The following KIF14 variants were observed in gnomAD, a reference collection of about 807,000 sequenced individuals.
The protein encoded by KIF14 is kinesin family member 14, also known as kinesin-like protein KIF14.
A neutral mutation model predicts 176.2 loss-of-function variants in KIF14; 98 were observed. The observed-to-expected ratio is 0.56, with a 90% CI of 0.47 to 0.66. The LOEUF (loss-of-function observed/expected upper bound fraction) is 0.66. Among genes scored for constraint, KIF14 ranks in the 30% least tolerant of loss-of-function variants. The probability of loss-of-function intolerance (pLI) is 0.00; values close to 1 mark genes in which losing one functional copy is unlikely to be tolerated. For synonymous variants in KIF14, 566 were observed against 632.2 expected (o/e 0.90, Z 1.57); for missense variants, 1,751 against 1,920.4 (o/e 0.91, Z 1.65).
intron 19 of KIF14, among the ~76,000 whole-genome samples, chr1:200,585,522 C>T (rs1658689609): frequency 1.3e-5 from 2 of 152,276 alleles, no homozygotes; most frequent in South Asian, 4.1e-4. Context: ...ACATGCTGCA[C>T]ATTGAAATTT....
At position 200,559,265 on chromosome 1, in the gene KIF14, T is replaced by G. The variant is rs1656996417; in HGVS notation, c.4353+65A>C. 2 of 1,020,220 alleles carry G rather than the reference T, an allele frequency of 2.0e-6. 1 individual carries two copies. Among genetic ancestry groups the G allele is most frequent in the South Asian group, 6.6e-5 (2 of 30,360 alleles). The allele number at this position is 1,020,220 out of a possible 1,614,324, so 63.2% of individuals were successfully genotyped here. A position where few individuals can be genotyped will look rare whatever the true frequency, so the allele number is the denominator to read the frequency against. ...ATGAATTTATAGAAATCTAATTTGT[T>G]GACTGAAAAAATCAACTTTATATAT... On this transcript the variant is annotated intron_variant, in intron 27 of 29. Transcript: ENST00000367350.
At chr1:200,581,346 T>C (rs1658442269) in intron 19 of KIF14, 52 bp from the exon 20 acceptor site, 1 of 981,460 alleles carries the variant, frequency 1.0e-6, no homozygotes, top group East Asian at 2.7e-5. Context: ...GACACTAACA[T>C]ATACCATTAG....
At position 200,565,147 on chromosome 1, in the gene KIF14, A is replaced by G; in HGVS notation, c.3993T>C (p.Cys1331=). 6.2e-7 allele frequency: 1 copy of G among 1,613,990 alleles called. No homozygotes were observed. Among genetic ancestry groups the G allele is most frequent in the South Asian group, 1.1e-5 (1 of 91,062 alleles). Residue 1331 remains cysteine, a synonymous_variant, in exon 25 of 30, where the codon TGT becomes TGC. Coordinates refer to ENST00000367350, the MANE Select transcript of KIF14 (RefSeq NM_014875.3). Reference sequence around the variant, plus strand: ...CATCCTCAAGTCTTGCTATGTTGGTACAAGGCAGTAAATCACTCAGCCAGT... The same window carrying G: ...CATCCTCAAGTCTTGCTATGTTGGTGCAAGGCAGTAAATCACTCAGCCAGT... ...MKHWLSDLLP[C]TNIARLEDEL...
rs1042669169 is a variant in KIF14, at chr1:200,565,744, T to A, written c.3662-75A>T. ...TTTCTTTTTTAAAAAAAGGGATCCT[T>A]ACTTTATGTACTTCTGCATTACTGA... On this transcript the variant is annotated intron_variant, in intron 23 of 29. Coordinates refer to ENST00000367350, the MANE Select transcript of KIF14 (RefSeq NM_014875.3). 5 of 877,190 alleles carry A rather than the reference T, an allele frequency of 5.7e-6. No homozygotes were observed. In the Admixed American group the frequency reaches 9.2e-5, roughly 16 times the overall value. 54.3% of individuals were successfully genotyped at this position (877,190 alleles called of 1,614,324 possible).
In KIF14 at chr1:200,618,642, T is replaced by C. The variant is rs1660537182; in HGVS notation, c.82A>G (p.Asn28Asp). ...AGTCGGCTACTGTGGGTGAGGGCAT[T>C]CAGTGATGAACTATTTTGGGAAGAA... The part of the protein sequence containing the change: ...IPSSQNSSSL[N>D]ALTHSSRLKL... The change falls in exon 2 of 30, where the codon AAT (asparagine) becomes GAT (aspartate). Residue 28 changes from asparagine (N) to aspartate (D), a missense_variant. By Grantham distance (23) the Asn-to-Asp change is conservative. Transcript: ENST00000367350. 2 of 1,613,864 alleles carry C rather than the reference T, an allele frequency of 1.2e-6. No homozygotes were observed. Among genetic ancestry groups the C allele is most frequent in the Non-Finnish European group, 1.7e-6 (2 of 1,179,968 alleles).
At chr1:200,617,085 A>C (rs1389260787) in intron 2 of KIF14, among the ~76,000 whole-genome samples, 2 of 152,128 alleles carry the variant, frequency 1.3e-5, no homozygotes, top group Non-Finnish European at 2.9e-5. Flanking sequence ...CTCCTGCCTC[A>C]GCCTCCCGAG....
Position 200,559,784 on chromosome 1 carries a change from C to T in KIF14, c.4231-332G>A, listed in dbSNP as rs1357408996. 1.5e-4 allele frequency among the ~76,000 whole-genome samples: 21 copies of T among 142,222 alleles called. 1 individual carries two copies. The highest frequency in any genetic ancestry group is 1.3e-3 in the South Asian group (6 of 4,616). 93.3% of individuals were successfully genotyped at this position (142,222 alleles called of 152,430 possible). A position where few individuals can be genotyped will look rare whatever the true frequency, so the allele number is the denominator to read the frequency against. On this transcript the variant is annotated intron_variant, in intron 26 of 29. Coordinates refer to ENST00000367350, the MANE Select transcript of KIF14 (RefSeq NM_014875.3). ...TTTTTTTTTTTTTGAAATGGAGTTTCGCTCATGTTGCCCAGGCTGGAGTGA... is the reference window on the plus strand; with the variant it reads ...TTTTTTTTTTTTTGAAATGGAGTTTTGCTCATGTTGCCCAGGCTGGAGTGA...
intron 14 of KIF14, among the ~76,000 whole-genome samples, chr1:200,595,775 C>G (rs943915005): frequency 6.6e-6 from 1 of 150,716 alleles, no homozygotes; most frequent in Non-Finnish European, 1.5e-5. Flanking sequence ...ATGATGAAAT[C>G]GTCTCTACTA....
chr1:200,578,196 C>T (rs968047528), intron 21 of KIF14, among the ~76,000 whole-genome samples: 3 of 152,012 alleles, frequency 2.0e-5, no homozygotes, highest in African/African-American at 7.2e-5. Flanking sequence ...AGAACAAGAG[C>T]TTATATTTAT....
At position 200,598,259 on chromosome 1, in the gene KIF14, C is replaced by T. The variant is rs140705314; in HGVS notation, c.2527G>A (p.Val843Met). 152 of 1,612,408 alleles carry T rather than the reference C, an allele frequency of 9.4e-5. No individual in the cohort carries two copies. The highest frequency in any genetic ancestry group is 1.2e-4 in the Non-Finnish European group (143 of 1,179,538). Reference protein sequence around the residue: ...NSSHDIQLSGVLIADDHCTIK... With the variant: ...NSSHDIQLSGMLIADDHCTIK... The stretch of plus-strand genomic sequence containing the variant: ...TACCAATGATCATCAGCAATCAGCA[C>T]CCCAGATAACTGAATATCATGGCTT... Residue 843 changes from valine to methionine, a missense_variant, in exon 14 of 30, where the codon GTG becomes ATG. By Grantham distance (21) the Val-to-Met change is conservative. Transcript: ENST00000367350.
At chr1:200,595,997 G>T (rs113462501) in intron 14 of KIF14, among the ~76,000 whole-genome samples, 2 of 150,410 alleles carry the variant, frequency 1.3e-5, no homozygotes, top group African/African-American at 4.9e-5. Context: ...GCTCACACCT[G>T]TAATCCCAGC....
Position 200,560,833 on chromosome 1 carries a change from A to G in KIF14, c.4119T>C (p.Asn1373=), listed in dbSNP as rs765352677. The change falls in exon 26 of 30, where the codon AAT becomes AAC. Residue 1373 remains asparagine, a synonymous_variant. Coordinates refer to ENST00000367350, the MANE Select transcript of KIF14 (RefSeq NM_014875.3). ...ISSMIKEAQK[N]AIQIVQQAVK... ...CAGCTTGTTGTACAATTTGGATTGC[A>G]TTCTTTTGAGCCTCTTTTATCATTG... 6.2e-7 allele frequency: 1 copy of G among 1,614,042 alleles called. No homozygotes were observed. Among genetic ancestry groups the G allele is most frequent in the South Asian group, 1.1e-5 (1 of 91,086 alleles).
Position 200,614,318 on chromosome 1 carries a change from C to A in KIF14, c.1455G>T (p.Glu485Asp). ...GCTTGCAGGTATTATAAGAACATACCTCTTGGGTTTGTTTTCTGGCTACTT... is the reference window on the plus strand; with the variant it reads ...GCTTGCAGGTATTATAAGAACATACATCTTGGGTTTGTTTTCTGGCTACTT... Reference protein sequence around the residue: ...FSQVARKQTQEVSYHIEMSFF... With the variant: ...FSQVARKQTQDVSYHIEMSFF... The change falls in exon 4 of 30, where the codon GAG becomes GAT. Residue 485 changes from glutamate to aspartate, a missense_variant and splice_region_variant. Transcript: ENST00000367350. 6.4e-7 allele frequency: 1 copy of A among 1,567,440 alleles called. No homozygotes were observed. Among genetic ancestry groups the A allele is most frequent in the Non-Finnish European group, 8.8e-7 (1 of 1,139,326 alleles).
At chr1:200,570,632 G>A (rs1657729976) in intron 22 of KIF14, among the ~76,000 whole-genome samples, 1 of 152,182 alleles carries the variant, frequency 6.6e-6, no homozygotes, top group South Asian at 2.1e-4. Context: ...AGGTGCACAG[G>A]GGCCAGCTTG....
At position 200,565,194 on chromosome 1, in the gene KIF14, G is replaced by T. The variant is rs753713068; in HGVS notation, c.3946C>A (p.Gln1316Lys). 1.9e-6 allele frequency: 3 copies of T among 1,613,772 alleles called. No homozygotes were observed. Among genetic ancestry groups the T allele is most frequent in the South Asian group, 2.2e-5 (2 of 91,046 alleles). The change falls in exon 25 of 30, where the codon CAG becomes AAG. Residue 1316 changes from glutamine to lysine, a missense_variant. Gln to Lys is a moderately conservative substitution (Grantham distance 53). Coordinates refer to ENST00000367350, the MANE Select transcript of KIF14 (RefSeq NM_014875.3). ...LTIQTACAFE[Q>K]LVVLMKHWLS... ...CAGTGTTTCATTAGCACTACTAGCT[G>T]CTCAAAAGCACATGCAGTCTGAATA...
At chr1:200,615,709 T>A in intron 2 of KIF14, 100 bp from the exon 3 acceptor site, 1 of 1,028,438 alleles carries the variant, frequency 9.7e-7, no homozygotes, top group East Asian at 2.5e-5. Flanking sequence ...TAAACAATCT[T>A]CCAAGGCAAG....
At chr1:200,592,036 A>G in intron 16 of KIF14, 44 bp downstream of exon 16, 3 of 1,458,018 alleles carry the variant, frequency 2.1e-6, no homozygotes, top group Non-Finnish European at 2.8e-6. Context: ...TCTGTTGTAG[A>G]TCTCTCTCAT....
chr1:200,556,302 TG>T (rs1373594845), intron 27 of KIF14, among the ~76,000 whole-genome samples: 1 of 152,184 alleles, frequency 6.6e-6, no homozygotes, highest in Non-Finnish European at 1.5e-5. Context: ...TTGCTCTATG[TG>T]GTTTAAAAAA....
chr1:200,568,975 G>C (rs534978512), intron 23 of KIF14, among the ~76,000 whole-genome samples: 3 of 147,532 alleles, frequency 2.0e-5, no homozygotes, highest in Admixed American at 6.8e-5. Flanking sequence ...GCCCAGGTTG[G>C]AGTGCAATGG....
Sources: gnomAD v4.1 joint callset for allele counts (sites outside exome capture counted in the v4.1 genomes callset) on GRCh38, gnomAD v4.1.1 for gene constraint, MANE v1.5 for transcripts, NCBI Gene and HGNC (gene_info 2026-07-23, HGNC 2026-07-21) for gene names.